The following CCDC60 variants were observed in gnomAD, a reference collection of about 807,000 sequenced individuals.
CCDC60 encodes the protein coiled-coil domain containing 60.
A neutral mutation model predicts 63.5 loss-of-function variants in CCDC60; 54 were observed. The observed-to-expected ratio is 0.85, with a 90% CI of 0.68 to 1.07. CCDC60 has a LOEUF of 1.07. Among genes scored for constraint, CCDC60 ranks in the 50% least tolerant of loss-of-function variants. The pLI is 0.00. For synonymous variants in CCDC60, 206 were observed against 238.8 expected (o/e 0.86, Z 1.27); for missense variants, 651 against 684.3 (o/e 0.95, Z 0.54).
At chr12:119,471,606 G>A (rs1377709271) in intron 2 of CCDC60, among the ~76,000 whole-genome samples, 1 of 152,164 alleles carries the variant, frequency 6.6e-6, no homozygotes, top group African/African-American at 2.4e-5. Context: ...GAGATTCAAG[G>A]ACTTGGCCAA....
chr12:119,417,833 A>G (rs754846210), intron 1 of CCDC60, among the ~76,000 whole-genome samples: 86 of 152,098 alleles, frequency 5.7e-4, no homozygotes, highest in Non-Finnish European at 1.2e-3. Flanking sequence ...AACTTCATCC[A>G]AGCTCCCACC....
chr12:119,409,741 C>T (rs906620487), intron 1 of CCDC60, among the ~76,000 whole-genome samples: 12 of 151,906 alleles, frequency 7.9e-5, no homozygotes, highest in Admixed American at 2.0e-4. Flanking sequence ...ACAGTTTCCC[C>T]GTGTGTCAGT....
chr12:119,467,995 C>G (rs1453498931), intron 2 of CCDC60, among the ~76,000 whole-genome samples: 1 of 152,038 alleles, frequency 6.6e-6, no homozygotes, highest in East Asian at 1.9e-4. Flanking sequence ...AGCCAGGCAG[C>G]CAGGCACGGT....
chr12:119,390,509 C>G (rs2136196461), intron 1 of CCDC60, among the ~76,000 whole-genome samples: 1 of 152,298 alleles, frequency 6.6e-6, no homozygotes, highest in East Asian at 1.9e-4. Flanking sequence ...ATAGATGAAT[C>G]AGTGAATGGG....
chr12:119,487,541 C>T (rs940492020), intron 4 of CCDC60, among the ~76,000 whole-genome samples: 1 of 152,078 alleles, frequency 6.6e-6, no homozygotes, highest in African/African-American at 2.4e-5. Flanking sequence ...TAGTAATCCG[C>T]CTGCCTCAGC....
chr12:119,521,355 T>C (rs1453780240), intron 9 of CCDC60, among the ~76,000 whole-genome samples: 4 of 152,172 alleles, frequency 2.6e-5, no homozygotes, highest in African/African-American at 9.7e-5. Context: ...ATTGCTGATC[T>C]AATGGGAGAG....
chr12:119,457,109 A>G (rs141873123), intron 2 of CCDC60, among the ~76,000 whole-genome samples: 11 of 152,334 alleles, frequency 7.2e-5, no homozygotes, highest in African/African-American at 2.6e-4. Context: ...TAAACAGCAC[A>G]CTTACCCTTA....
intron 2 of CCDC60, among the ~76,000 whole-genome samples, chr12:119,462,757 A>G (rs1950878203): frequency 6.6e-6 from 1 of 152,080 alleles, no homozygotes; most frequent in Admixed American, 6.6e-5. Flanking sequence ...AGTAGCTGGG[A>G]CCATTGGCAT....
intron 2 of CCDC60, among the ~76,000 whole-genome samples, chr12:119,461,538 A>G (rs769810841): frequency 3.3e-5 from 5 of 152,190 alleles, no homozygotes; most frequent in Admixed American, 2.6e-4. Flanking sequence ...GCTCACACAC[A>G]GACTCCCATA....
At chr12:119,503,829 T>G (rs1951920227) in intron 6 of CCDC60, among the ~76,000 whole-genome samples, 1 of 152,232 alleles carries the variant, frequency 6.6e-6, no homozygotes, top group African/African-American at 2.4e-5. Context: ...CAATGTGTAT[T>G]AAATGTTGGT....
rs58903793 is a variant in CCDC60, at chr12:119,519,432, T to A, written c.969-689T>A. On this transcript the variant is annotated intron_variant, in intron 8 of 13. Coordinates refer to ENST00000327554, the MANE Select transcript of CCDC60 (RefSeq NM_178499.5). ...GTGTGTGTGTGTGTGTGTGTGTGTGTGTGCGCGTGTGTGTGTGTGTATATA... is the reference window on the plus strand; with the variant it reads ...GTGTGTGTGTGTGTGTGTGTGTGTGAGTGCGCGTGTGTGTGTGTGTATATA... Among the ~76,000 whole-genome samples, 2 of 129,282 alleles carry A rather than the reference T, an allele frequency of 1.5e-5. 1 individual carries two copies. The highest frequency in any genetic ancestry group is 1.6e-4 in the Admixed American group (2 of 12,788). 84.8% of individuals were successfully genotyped at this position (129,282 alleles called of 152,430 possible).
At chr12:119,411,796 G>C (rs758727628) in intron 1 of CCDC60, among the ~76,000 whole-genome samples, 6 of 151,904 alleles carry the variant, frequency 3.9e-5, no homozygotes, top group Non-Finnish European at 8.8e-5. Flanking sequence ...GCATGCCAAG[G>C]CACCATGTTT....
chr12:119,379,595 A>G (rs1396783381), intron 1 of CCDC60, among the ~76,000 whole-genome samples: 1 of 152,252 alleles, frequency 6.6e-6, no homozygotes, highest in Non-Finnish European at 1.5e-5. Flanking sequence ...ATGGGTCTCA[A>G]TGCAATGTTA....
intron 2 of CCDC60, among the ~76,000 whole-genome samples, chr12:119,457,809 T>A (rs1171734091): frequency 6.6e-6 from 1 of 152,252 alleles, no homozygotes; most frequent in Non-Finnish European, 1.5e-5. Flanking sequence ...ATTACTGTAA[T>A]AAATGTATTC....
intron 1 of CCDC60, among the ~76,000 whole-genome samples, chr12:119,345,523 T>C (rs1955582455): frequency 2.6e-5 from 4 of 151,292 alleles, no homozygotes; most frequent in African/African-American, 7.3e-5. Context: ...AATAAATAAA[T>C]AAATAAGAGA....
chr12:119,524,796 T>C (rs1417147766), intron 11 of CCDC60, among the ~76,000 whole-genome samples: 1 of 146,642 alleles, frequency 6.8e-6, no homozygotes, highest in African/African-American at 2.5e-5. Flanking sequence ...GATCATACCT[T>C]ACTGCAGCCT....
intron 13 of CCDC60, among the ~76,000 whole-genome samples, chr12:119,537,809 G>A (rs10431367): frequency 0.14 from 21,103 of 152,130 alleles, 1,550 homozygotes; most frequent in East Asian, 0.23. Context: ...AGGGGCGCCC[G>A]CCTGTATGAG....
chr12:119,499,613 A>G (rs1329349191), intron 5 of CCDC60, among the ~76,000 whole-genome samples: 2 of 152,156 alleles, frequency 1.3e-5, no homozygotes, highest in South Asian at 2.1e-4. Flanking sequence ...AGTGATTTTC[A>G]TTGTGCAATC....
chr12:119,344,855 TCACACACACACA>T lies in CCDC60; in HGVS notation c.90+9622_90+9633del, dbSNP rs1199779284. Among the ~76,000 whole-genome samples, 155 of 114,852 alleles carry T rather than the reference TCACACACACACA, an allele frequency of 1.3e-3. No homozygotes were observed. In the South Asian group the frequency reaches 0.017, roughly 12 times the overall value. 75.3% of individuals were successfully genotyped at this position (114,852 alleles called of 152,430 possible). On this transcript the variant is annotated intron_variant, in intron 1 of 13. Coordinates refer to ENST00000327554, the MANE Select transcript of CCDC60 (RefSeq NM_178499.5). ...CTCTCTTTCTCTCTCTCTCTCTCTC[TCACACACACACA>T]CACACACACACACACACACACACAC...
Sources: allele counts gnomAD v4.1 joint callset (sites outside exome capture counted in the v4.1 genomes callset), GRCh38; gene constraint gnomAD v4.1.1; transcripts MANE v1.5; gene names NCBI Gene and HGNC (gene_info 2026-07-23, HGNC 2026-07-21).